The following SLC7A14 variants were observed in gnomAD, a reference collection of about 807,000 sequenced individuals.
SLC7A14 encodes the protein solute carrier family 7 member 14, also known as gamma-aminobutyric acid transporter SLC7A14.
A neutral mutation model predicts 60.2 loss-of-function variants in SLC7A14; 37 were observed. The observed-to-expected ratio is 0.61, with a 90% CI of 0.47 to 0.81. The LOEUF (loss-of-function observed/expected upper bound fraction) is 0.81, where lower values mean the gene tolerates loss of function less well. SLC7A14 is among the 30% of genes least tolerant of loss of function. SLC7A14 has a pLI of 0.00. For missense variants in SLC7A14, 886 were observed against 982.7 expected, an observed-to-expected ratio of 0.90 and a Z score of 1.32; for synonymous variants, 399 against 395.8, an observed-to-expected ratio of 1.01 and a Z score of -0.10.
chr3:170,472,235 T>A (rs1374222874), intron 7 of SLC7A14, among the ~76,000 whole-genome samples: 1 of 149,174 alleles, frequency 6.7e-6, no homozygotes, highest in Non-Finnish European at 1.5e-5. Context: ...CTGGGCACGG[T>A]GGCGGGCACT....
rs1052410140 is a variant in SLC7A14, at chr3:170,535,814, C to T, written c.-152-8726G>A. On this transcript the variant is annotated intron_variant, in intron 1 of 7. Coordinates refer to ENST00000231706, the MANE Select transcript of SLC7A14 (RefSeq NM_020949.3). The surrounding 1 kb of genome is among the most constrained non-coding windows in gnomAD (Gnocchi z 4.3). Reference sequence around the variant, plus strand: ...GTCATTTCAGGCAGTGGGTAGTACTCATGTTTCTAGCCCTTGGAACTGCAT... The same window carrying T: ...GTCATTTCAGGCAGTGGGTAGTACTTATGTTTCTAGCCCTTGGAACTGCAT... Among the ~76,000 whole-genome samples the T allele has an allele frequency of 6.6e-6, 1 of 152,224 alleles. No homozygotes were observed. The highest frequency in any genetic ancestry group is 1.5e-5 in the Non-Finnish European group (1 of 68,046).
chr3:170,500,917 T>A (rs947354148), intron 3 of SLC7A14, among the ~76,000 whole-genome samples, 192 bp downstream of exon 3: 9 of 152,254 alleles, frequency 5.9e-5, no homozygotes, highest in Admixed American at 5.9e-4. Flanking sequence ...TTTTGTATAA[T>A]GCTTCCATGG....
intron 3 of SLC7A14, among the ~76,000 whole-genome samples, chr3:170,500,424 G>A (rs1020508975): frequency 8.3e-6 from 1 of 120,188 alleles, no homozygotes; most frequent in African/African-American, 3.3e-5. Flanking sequence ...GGGCAACAGA[G>A]CAAGACTCTG....
chr3:170,540,061 G>A (rs555126583), intron 1 of SLC7A14, among the ~76,000 whole-genome samples: 14 of 152,102 alleles, frequency 9.2e-5, no homozygotes, highest in African/African-American at 2.7e-4. Context: ...GTGGCGGGGT[G>A]GGGGGTAGTA....
At chr3:170,480,163 G>A in intron 7 of SLC7A14, 126 bp downstream of exon 7, 5 of 910,712 alleles carry the variant, frequency 5.5e-6, no homozygotes, top group Non-Finnish European at 6.4e-6. Context: ...GGAACACAAG[G>A]GTCCATAGAA....
chr3:170,510,890 A>T (rs1712959158), intron 2 of SLC7A14, among the ~76,000 whole-genome samples: 1 of 152,202 alleles, frequency 6.6e-6, no homozygotes, highest in Admixed American at 6.5e-5. Flanking sequence ...CCTATGCTAG[A>T]CTCACTGTAC....
At chr3:170,538,790 A>T (rs1410767231) in intron 1 of SLC7A14, among the ~76,000 whole-genome samples, 1 of 152,238 alleles carries the variant, frequency 6.6e-6, no homozygotes. Flanking sequence ...GTGACCATCC[A>T]ATGTGATACA....
chr3:170,483,242 TGACA>T, intron 6 of SLC7A14, 68 bp downstream of exon 6: 1 of 1,548,302 alleles, frequency 6.5e-7, no homozygotes, highest in Non-Finnish European at 8.9e-7. Flanking sequence ...ACAGTCAGTC[TGACA>T]GTGGGTAGAC....
chr3:170,485,606 C>G (rs2108271768), intron 5 of SLC7A14, among the ~76,000 whole-genome samples: 1 of 152,240 alleles, frequency 6.6e-6, no homozygotes, highest in Non-Finnish European at 1.5e-5. Context: ...AGGAGTGTCT[C>G]AGGGGCGTGA....
chr3:170,477,614 C>T (rs1449968098), intron 7 of SLC7A14, among the ~76,000 whole-genome samples: 3 of 152,176 alleles, frequency 2.0e-5, no homozygotes, highest in Non-Finnish European at 4.4e-5. Context: ...ACTAGTAGTA[C>T]TAATGTTTTT....
At chr3:170,509,513 TA>T (rs1712897740) in intron 2 of SLC7A14, among the ~76,000 whole-genome samples, 1 of 152,192 alleles carries the variant, frequency 6.6e-6, no homozygotes, top group Non-Finnish European at 1.5e-5. Context: ...ATTTGTTGAT[TA>T]AATGTAACCA....
intron 1 of SLC7A14, among the ~76,000 whole-genome samples, chr3:170,556,763 A>C (rs1485477517): frequency 6.6e-6 from 1 of 152,218 alleles, no homozygotes; most frequent in East Asian, 1.9e-4. Context: ...GGCATTCCTC[A>C]GAAAATCTAG....
At position 170,526,672 on chromosome 3, in the gene SLC7A14, C is replaced by T. The variant is rs543335668; in HGVS notation, c.265G>A (p.Val89Met). The change falls in exon 2 of 8, where the codon GTG (valine) becomes ATG (methionine). Residue 89 changes from valine (V) to methionine (M), a missense_variant. Physicochemically the swap from Val to Met is conservative, Grantham distance 21. Transcript: ENST00000231706. ...AKEMAGPGVI[V>M]SFIIAAVASI... is the part of the protein sequence containing the mutation. ...GCGACGGCTGCAATGATGAAGGACA[C>T]AATGACACCAGGTCCTGCCATTTCC... 50 of 1,614,224 alleles carry T rather than the reference C, an allele frequency of 3.1e-5. No individual in the cohort carries two copies. In the South Asian group the frequency reaches 4.9e-4, roughly 16 times the overall value.
Position 170,554,773 on chromosome 3 carries a change from G to T in SLC7A14, c.-152-27685C>A, listed in dbSNP as rs528316122. On this transcript the variant is annotated intron_variant, in intron 1 of 7. Coordinates refer to ENST00000231706, the MANE Select transcript of SLC7A14 (RefSeq NM_020949.3). The stretch of plus-strand genomic sequence containing the variant: ...AAAAGAATGAAGTTTATATCCTTAG[G>T]TTATTTGCCCTCATCTATTTTTCCT... Among the ~76,000 whole-genome samples the T allele has an allele frequency of 3.5e-4, 54 of 152,312 alleles. No individual in the cohort carries two copies. In the South Asian group the frequency reaches 9.9e-3, roughly 28 times the overall value.
At chr3:170,505,348 C>T (rs1479634139) in intron 2 of SLC7A14, among the ~76,000 whole-genome samples, 5 of 152,178 alleles carry the variant, frequency 3.3e-5, no homozygotes, top group South Asian at 2.1e-4. Context: ...CTGACGACTT[C>T]GTTGCGTCTC....
At chr3:170,511,312 G>A (rs1210938523) in intron 2 of SLC7A14, among the ~76,000 whole-genome samples, 2 of 151,968 alleles carry the variant, frequency 1.3e-5, no homozygotes, top group African/African-American at 4.8e-5. Flanking sequence ...CAGTAGAATC[G>A]CTTGAACCTG....
At chr3:170,491,127 A>G (rs1712205047) in intron 4 of SLC7A14, among the ~76,000 whole-genome samples, 1 of 152,188 alleles carries the variant, frequency 6.6e-6, no homozygotes, top group Admixed American at 6.5e-5. Flanking sequence ...TTTTACAGAG[A>G]TTGAGTCTAG....
intron 7 of SLC7A14, among the ~76,000 whole-genome samples, chr3:170,473,609 C>T (rs780141805): frequency 3.3e-5 from 5 of 152,294 alleles, no homozygotes; most frequent in East Asian, 1.9e-4. Context: ...AGACATTTGC[C>T]GAAGCAGAAA....
chr3:170,563,910 A>G (rs767312039), intron 1 of SLC7A14, among the ~76,000 whole-genome samples: 9 of 152,192 alleles, frequency 5.9e-5, no homozygotes, highest in Admixed American at 1.3e-4. Flanking sequence ...TGAACACACT[A>G]CTGATAGGAA....
Sources: allele counts gnomAD v4.1 joint callset (sites outside exome capture counted in the v4.1 genomes callset), GRCh38; gene constraint gnomAD v4.1.1; non-coding constraint Gnocchi (gnomAD v3.1); transcripts MANE v1.5; gene names NCBI Gene and HGNC (gene_info 2026-07-23, HGNC 2026-07-21).